The following SLC1A3 variants were observed in gnomAD, a reference collection of about 807,000 sequenced individuals.
SLC1A3 encodes excitatory amino acid transporter 1.
A neutral mutation model predicts 48.1 loss-of-function variants in SLC1A3; 21 were observed. That is an observed-to-expected ratio of 0.44 (90% CI 0.31 to 0.63). The LOEUF (loss-of-function observed/expected upper bound fraction) is 0.63. SLC1A3 is among the 20% of genes least tolerant of loss of function. The pLI, the probability that SLC1A3 is intolerant of heterozygous loss-of-function variation, is 0.08. For missense variants in SLC1A3, 546 were observed against 689.0 expected, an observed-to-expected ratio of 0.79 and a Z score of 2.32; for synonymous variants, 239 against 251.4, an observed-to-expected ratio of 0.95 and a Z score of 0.47.
chr5:36,655,173 G>A (rs1741238297), intron 3 of SLC1A3, among the ~76,000 whole-genome samples: 1 of 152,206 alleles, frequency 6.6e-6, no homozygotes, highest in African/African-American at 2.4e-5. Flanking sequence ...ATTGGCTAAT[G>A]TCAGTGACTA....
rs1254474674 is a variant in SLC1A3, at chr5:36,618,331, C to T, written c.181+9727C>T. Among the ~76,000 whole-genome samples the T allele has an allele frequency of 2.6e-5, 4 of 152,196 alleles. 1 individual carries two copies. The highest frequency in any genetic ancestry group is 2.6e-4 in the Admixed American group (4 of 15,282). On this transcript the variant is annotated intron_variant, in intron 2 of 9. Coordinates refer to ENST00000265113, the MANE Select transcript of SLC1A3 (RefSeq NM_004172.5). ...TTATCCCTCCCTCTAAGCCTTCACC[C>T]CCTACCACCAATTTAGCAGAAGTTT...
chr5:36,648,091 ATC>A (rs1432655343), intron 3 of SLC1A3, among the ~76,000 whole-genome samples: 1 of 152,176 alleles, frequency 6.6e-6, no homozygotes, highest in Non-Finnish European at 1.5e-5. Flanking sequence ...GTGTCTGCTT[ATC>A]TCTTTTTTTG....
intron 3 of SLC1A3, chr5:36,636,168 C>T (rs756885603): frequency 6.6e-6 from 1 of 151,720 alleles, no homozygotes; most frequent in Non-Finnish European, 1.5e-5. Context: ...ATTCAGTAAG[C>T]ATTTGTTGAG....
Position 36,671,019 on chromosome 5 carries a change from C to T in SLC1A3, c.320-10C>T, listed in dbSNP as rs758153062. On this transcript the variant is annotated splice_polypyrimidine_tract_variant and intron_variant, in intron 3 of 9. Coordinates refer to ENST00000265113, the MANE Select transcript of SLC1A3 (RefSeq NM_004172.5). ...TGACTTCCTGAAAATCTTCTGTTTG[C>T]CTCCACCAGGAATGGCGGCGCTAGA... 3 of 1,612,908 alleles carry T rather than the reference C, an allele frequency of 1.9e-6. No homozygotes were observed. In the South Asian group the frequency reaches 3.3e-5, roughly 18 times the overall value.
intron 5 of SLC1A3, among the ~76,000 whole-genome samples, chr5:36,675,261 A>AT (rs1742159686): frequency 1.3e-5 from 2 of 152,138 alleles, no homozygotes; most frequent in South Asian, 4.2e-4. Context: ...TTAAAAAAAA[A>AT]AATAAGCCTG....
At chr5:36,633,243 T>C (rs1740205453) in intron 3 of SLC1A3, among the ~76,000 whole-genome samples, 1 of 152,208 alleles carries the variant, frequency 6.6e-6, no homozygotes, top group Non-Finnish European at 1.5e-5. Context: ...TTTCTTCTTT[T>C]CTCATTCTAA....
intron 2 of SLC1A3, among the ~76,000 whole-genome samples, chr5:36,624,850 C>G (rs974197193): frequency 6.6e-6 from 1 of 152,172 alleles, no homozygotes; most frequent in Non-Finnish European, 1.5e-5. Flanking sequence ...CCTTTGAGAT[C>G]TTCAGCAAGT....
chr5:36,623,699 C>CAA (rs35449337), intron 2 of SLC1A3, among the ~76,000 whole-genome samples: 2,158 of 125,076 alleles, frequency 0.017, 41 homozygotes, highest in African/African-American at 0.058. Context: ...ACTAAAAATA[C>CAA]AAAAAAAAAA....
chr5:36,663,380 A>ATTTTTTTTTTTTTTTTTTTTTTTTTTT (rs1156283585), intron 3 of SLC1A3, among the ~76,000 whole-genome samples: 5 of 69,340 alleles, frequency 7.2e-5, no homozygotes, highest in Non-Finnish European at 1.0e-4. Flanking sequence ...CACGCCCGGC[A>ATTTTTTTTTTTTTTTTTTTTTTTTTTT]TTTTTTTTTT....
chr5:36,596,992 A>G (rs1010086923), intron 1 of SLC1A3, among the ~76,000 whole-genome samples: 1 of 152,032 alleles, frequency 6.6e-6, no homozygotes, highest in Non-Finnish European at 1.5e-5. Flanking sequence ...TATCTGTGTC[A>G]CATTTGGATG....
chr5:36,661,187 G>A (rs1377938747), intron 3 of SLC1A3, among the ~76,000 whole-genome samples: 2 of 152,186 alleles, frequency 1.3e-5, no homozygotes, highest in Non-Finnish European at 2.9e-5. Flanking sequence ...CCAGGCGGGC[G>A]GATCACCTGA....
intron 3 of SLC1A3, among the ~76,000 whole-genome samples, chr5:36,645,360 A>ACTC (rs1385054631): frequency 1.9e-5 from 2 of 104,618 alleles, no homozygotes; most frequent in African/African-American, 7.6e-5. Context: ...ATAGAGTCTC[A>ACTC]CTCTCACCCA....
At chr5:36,605,371 C>T (rs979371515), upstream of SLC1A3, among the ~76,000 whole-genome samples, 4 of 152,158 alleles carry the variant, frequency 2.6e-5, no homozygotes, top group South Asian at 8.3e-4. Context: ...AAAATGATAG[C>T]ATGTTAGAAA....
chr5:36,597,229 CTTTCTTTTTTT>C (rs1223990886), intron 1 of SLC1A3, among the ~76,000 whole-genome samples: 1 of 74,144 alleles, frequency 1.3e-5, no homozygotes, highest in African/African-American at 4.8e-5. Flanking sequence ...CTTCTTCTTC[CTTTCTTTTTTT>C]TTTTTTTTTT....
chr5:36,669,692 C>G (rs1489844821), intron 3 of SLC1A3: 1 of 152,128 alleles, frequency 6.6e-6, no homozygotes, highest in Non-Finnish European at 1.5e-5. Flanking sequence ...AATTGAAGGT[C>G]ATGGCTTCAA....
chr5:36,685,681 T>A (rs1312503328), intron 9 of SLC1A3, among the ~76,000 whole-genome samples: 2 of 152,258 alleles, frequency 1.3e-5, no homozygotes, highest in African/African-American at 2.4e-5. Context: ...TTCTGCAGTT[T>A]CACAACTGCT....
Position 36,629,564 on chromosome 5 carries a change from T to A in SLC1A3, c.296T>A (p.Leu99His). Residue 99 changes from leucine to histidine, a missense_variant, in exon 3 of 10, where the codon CTT becomes CAT. Leu to His is a moderately conservative substitution (Grantham distance 99, BLOSUM62 -3). Transcript: ENST00000265113. Reference sequence around the variant, plus strand: ...ATGTTACAGATGCTGGTCTTACCACTTATCATCTCCAGTCTTGTCACAGGT... The same window carrying A: ...ATGTTACAGATGCTGGTCTTACCACATATCATCTCCAGTCTTGTCACAGGT... ...MRMLQMLVLP[L>H]IISSLVTGMA... The A allele has an allele frequency of 6.2e-7, 1 of 1,613,542 alleles. No homozygotes were observed. Among genetic ancestry groups the A allele is most frequent in the Non-Finnish European group, 8.5e-7 (1 of 1,179,520 alleles).
chr5:36,634,319 G>A (rs899760529), intron 3 of SLC1A3, among the ~76,000 whole-genome samples: 18 of 125,174 alleles, frequency 1.4e-4, no homozygotes, highest in African/African-American at 6.6e-4. Context: ...TAAATAGAGG[G>A]GATTAGCAAA....
At chr5:36,612,476 T>A (rs1367922547) in intron 2 of SLC1A3, among the ~76,000 whole-genome samples, 2 of 151,932 alleles carry the variant, frequency 1.3e-5, no homozygotes, top group African/African-American at 4.8e-5. Flanking sequence ...TCCCAGCTAC[T>A]TGGGGGGGCT....
Sources: gnomAD v4.1 joint callset for allele counts (sites outside exome capture counted in the v4.1 genomes callset) on GRCh38, gnomAD v4.1.1 for gene constraint, MANE v1.5 for transcripts, NCBI Gene and HGNC (gene_info 2026-07-23, HGNC 2026-07-21) for gene names.